The following AGFG1 variants were observed in gnomAD, a reference collection of about 807,000 sequenced individuals.
AGFG1 encodes the protein arf-GAP domain and FG repeat-containing protein 1.
In AGFG1, 10 loss-of-function variants were observed where a neutral mutation model predicts 60.6. The ratio of observed to expected loss-of-function variants is 0.16; its 90% CI spans 0.10 to 0.28. The LOEUF (loss-of-function observed/expected upper bound fraction) is 0.28, where lower values mean the gene tolerates loss of function less well. Among genes scored for constraint, AGFG1 ranks in the 10% least tolerant of loss-of-function variants. The pLI, the probability that AGFG1 is intolerant of heterozygous loss-of-function variation, is 1.00. For missense variants in AGFG1, 537 were observed against 676.5 expected, an observed-to-expected ratio of 0.79 and a Z score of 2.29; for synonymous variants, 247 against 242.9, an observed-to-expected ratio of 1.02 and a Z score of -0.16.
intron 11 of AGFG1, among the ~76,000 whole-genome samples, chr2:227,552,651 C>T (rs989127382): frequency 6.6e-5 from 10 of 150,472 alleles, no homozygotes; most frequent in Admixed American, 6.6e-4. Flanking sequence ...TCTTGAATCA[C>T]AACTATGTGG....
chr2:227,515,279 C>T (rs551785708), intron 2 of AGFG1, among the ~76,000 whole-genome samples: 1 of 152,212 alleles, frequency 6.6e-6, no homozygotes, highest in African/African-American at 2.4e-5. Flanking sequence ...TTTGGCAATT[C>T]CAGTATCCAC....
At chr2:227,517,609 G>A (rs1411593192) in intron 2 of AGFG1, among the ~76,000 whole-genome samples, 2 of 152,276 alleles carry the variant, frequency 1.3e-5, no homozygotes, top group East Asian at 1.9e-4. Context: ...GACATGATAG[G>A]AAAGGAGAAG....
intron 5 of AGFG1, among the ~76,000 whole-genome samples, chr2:227,527,685 A>T (rs535941579): frequency 6.6e-6 from 1 of 152,246 alleles, no homozygotes; most frequent in East Asian, 1.9e-4. Flanking sequence ...ATAAGTATCA[A>T]ACCAAATGTA....
chr2:227,535,440 C>T (rs1692280699), intron 8 of AGFG1, among the ~76,000 whole-genome samples: 1 of 152,170 alleles, frequency 6.6e-6, no homozygotes, highest in African/African-American at 2.4e-5. Flanking sequence ...GAAGTGTTTG[C>T]ACCAAAGCCC....
At chr2:227,517,442 CTG>C (rs1490628288) in intron 2 of AGFG1, among the ~76,000 whole-genome samples, 1 of 152,048 alleles carries the variant, frequency 6.6e-6, no homozygotes, top group Non-Finnish European at 1.5e-5. Flanking sequence ...TTTGTTTTTT[CTG>C]TATTTTTAGT....
intron 2 of AGFG1, among the ~76,000 whole-genome samples, chr2:227,498,851 AC>A (rs1258307563): frequency 6.6e-6 from 1 of 152,174 alleles, no homozygotes; most frequent in Non-Finnish European, 1.5e-5. Context: ...TGTTTGCCTT[AC>A]CATTCTAGCT....
At chr2:227,552,215 C>T (rs1692842304) in intron 11 of AGFG1, 98 bp downstream of exon 11, 9 of 1,389,590 alleles carry the variant, frequency 6.5e-6, no homozygotes, top group Non-Finnish European at 8.8e-6. Context: ...CTAAAGAATA[C>T]TATAGTATTA....
intron 10 of AGFG1, chr2:227,549,909 T>C (rs747279619): frequency 4.2e-6 from 1 of 235,648 alleles, no homozygotes; most frequent in Non-Finnish European, 9.0e-6. Flanking sequence ...AGTCTTATTT[T>C]GTGAATGTGT....
intron 2 of AGFG1, among the ~76,000 whole-genome samples, chr2:227,492,279 T>C (rs138908547): frequency 4.4e-4 from 67 of 152,140 alleles, no homozygotes; most frequent in African/African-American, 1.4e-3. Context: ...TTTTCTAATA[T>C]TTTTAAAATT....
intron 1 of AGFG1, among the ~76,000 whole-genome samples, chr2:227,485,706 C>T (rs1690613949): frequency 6.6e-6 from 1 of 152,054 alleles, no homozygotes; most frequent in Non-Finnish European, 1.5e-5. Context: ...TGCTCTCTAC[C>T]TGATTTGGTG....
At chr2:227,538,320 T>TA (rs1692374012) in intron 10 of AGFG1, among the ~76,000 whole-genome samples, 1 of 152,188 alleles carries the variant, frequency 6.6e-6, no homozygotes, top group Non-Finnish European at 1.5e-5. Flanking sequence ...CCAGCCAAAC[T>TA]TGTGTTCGAA....
chr2:227,476,156 C>T (rs1690275079), intron 1 of AGFG1, among the ~76,000 whole-genome samples: 1 of 151,984 alleles, frequency 6.6e-6, no homozygotes, highest in Admixed American at 6.6e-5. Flanking sequence ...AAATGAACTT[C>T]AGAGTTAGAT....
intron 2 of AGFG1, among the ~76,000 whole-genome samples, chr2:227,495,592 T>C (rs1355703805): frequency 4.6e-5 from 7 of 151,780 alleles, no homozygotes; most frequent in Non-Finnish European, 8.8e-5. Context: ...TATGTCCTCA[T>C]TTGTGATGTC....
Position 227,536,894 on chromosome 2 carries a change from T to C in AGFG1, c.1286-7T>C. ...GATTTTATAGTGTATTTTATAATTT[T>C]TTAAAGCTACGCCTTCCACAAATCC... is the stretch of plus-strand genomic sequence containing the variant. On this transcript the variant is annotated splice_polypyrimidine_tract_variant and splice_region_variant and intron_variant, in intron 9 of 12. Transcript: ENST00000310078. 5.0e-6 allele frequency: 8 copies of C among 1,609,650 alleles called. No homozygotes were observed. Among genetic ancestry groups the C allele is most frequent in the Non-Finnish European group, 6.8e-6 (8 of 1,178,022 alleles).
intron 11 of AGFG1, among the ~76,000 whole-genome samples, chr2:227,552,716 T>C (rs1333084685): frequency 1.3e-5 from 2 of 151,138 alleles, no homozygotes; most frequent in African/African-American, 4.9e-5. Flanking sequence ...AAATCTGAAA[T>C]ATGGGCTGGG....
chr2:227,479,314 C>G (rs1354794786), intron 1 of AGFG1, among the ~76,000 whole-genome samples: 2 of 152,196 alleles, frequency 1.3e-5, no homozygotes, highest in Non-Finnish European at 2.9e-5. Context: ...CCTATTCATT[C>G]ATCCATCATT....
In AGFG1 at chr2:227,558,454, T is replaced by G. The variant is rs573438667; in HGVS notation, c.*3959T>G. 1.3e-5 allele frequency: 2 copies of G among 152,260 alleles called. No homozygotes were observed. The highest frequency in any genetic ancestry group is 3.9e-4 in the East Asian group (2 of 5,190). 9.4% of individuals were successfully genotyped at this position (152,260 alleles called of 1,614,324 possible). ...GTAACTAGTGGAGCGTGCTTTAGAT[T>G]GAAGACTCATCTGAAGTATCACAGA... On this transcript the variant is annotated 3_prime_UTR_variant, in exon 13 of 13. Coordinates refer to ENST00000310078, the MANE Select transcript of AGFG1 (RefSeq NM_004504.5).
At chr2:227,474,321 T>C (rs927707162) in intron 1 of AGFG1, among the ~76,000 whole-genome samples, 2 of 152,248 alleles carry the variant, frequency 1.3e-5, no homozygotes, top group Non-Finnish European at 2.9e-5. Context: ...ATGTAAAGTA[T>C]TTGATTTGGA....
intron 3 of AGFG1, among the ~76,000 whole-genome samples, 200 bp from the exon 4 acceptor site, chr2:227,523,563 A>G (rs1212999202): frequency 1.3e-5 from 2 of 152,146 alleles, no homozygotes; most frequent in Non-Finnish European, 2.9e-5. Flanking sequence ...CTTTTCTCTG[A>G]GTATTTCAAA....
Sources: gnomAD v4.1 joint callset for allele counts (sites outside exome capture counted in the v4.1 genomes callset) on GRCh38, gnomAD v4.1.1 for gene constraint, MANE v1.5 for transcripts, NCBI Gene and HGNC (gene_info 2026-07-23, HGNC 2026-07-21) for gene names.